CRADD: variants seen among roughly 807,000 people sequenced by gnomAD.
CRADD encodes the protein CARD and death domain containing adaptor protein, also known as death domain-containing protein CRADD.
In CRADD, 9 loss-of-function variants were observed where a neutral mutation model predicts 15.5. That is an observed-to-expected ratio of 0.58 (90% CI 0.35 to 1.01). The LOEUF (loss-of-function observed/expected upper bound fraction) is 1.01. CRADD is among the 50% of genes least tolerant of loss of function. The probability of loss-of-function intolerance (pLI) is 0.02; values close to 1 mark genes in which losing one functional copy is unlikely to be tolerated. For missense variants in CRADD, 227 were observed against 250.3 expected, an observed-to-expected ratio of 0.91 and a Z score of 0.63; for synonymous variants, 118 against 107.6, an observed-to-expected ratio of 1.10 and a Z score of -0.60.
At chr12:93,850,786 T>C, downstream of CRADD, 1 of 942,516 alleles carries the variant, frequency 1.1e-6, no homozygotes, top group Non-Finnish European at 1.3e-6. The surrounding 1 kb of genome is among the most constrained non-coding windows in gnomAD (Gnocchi z 4.0). Flanking sequence ...TTTTTCTTTC[T>C]CATTCCTGTG....
chr12:93,688,111 G>C (rs1407146791), intron 2 of CRADD, among the ~76,000 whole-genome samples: 2 of 152,220 alleles, frequency 1.3e-5, no homozygotes, highest in Non-Finnish European at 2.9e-5. Flanking sequence ...GAGGATGGAA[G>C]AGAGAAGGAG....
intron 2 of CRADD, among the ~76,000 whole-genome samples, chr12:93,743,871 T>C (rs1956716288): frequency 6.6e-6 from 1 of 152,230 alleles, no homozygotes. Context: ...ATTCCTTTGA[T>C]TATTTCACAC....
chr12:93,766,908 A>G (rs564389219), intron 2 of CRADD, among the ~76,000 whole-genome samples: 16 of 152,210 alleles, frequency 1.1e-4, no homozygotes, highest in Non-Finnish European at 1.8e-4. Context: ...AAACTTTCCT[A>G]TAGGGACTCT....
intron 2 of CRADD, among the ~76,000 whole-genome samples, chr12:93,780,601 T>G (rs2136971274): frequency 6.6e-6 from 1 of 152,334 alleles, no homozygotes; most frequent in African/African-American, 2.4e-5. Context: ...TGCATTTTTT[T>G]GGTTTAAATT....
intron 2 of CRADD, among the ~76,000 whole-genome samples, chr12:93,731,466 CAT>C (rs1318846161): frequency 3.3e-5 from 5 of 152,204 alleles, no homozygotes; most frequent in Non-Finnish European, 7.3e-5. Context: ...TTATTTCCCA[CAT>C]GTTAGTCCAA....
rs150944760 is a variant in CRADD, at chr12:93,778,385, G to A, written c.299-71585G>A. On this transcript the variant is annotated intron_variant, in intron 2 of 2. Coordinates refer to ENST00000332896, the MANE Select transcript of CRADD (RefSeq NM_003805.5). ...GCAAGGGATTCTGGCACATGCGCACGAGTTGAATGACAACTGGTGGATATT... is the reference window on the plus strand; with the variant it reads ...GCAAGGGATTCTGGCACATGCGCACAAGTTGAATGACAACTGGTGGATATT... 7.5e-3 allele frequency among the ~76,000 whole-genome samples: 1,141 copies of A among 152,332 alleles called. 5 individuals are homozygous for A. The highest frequency in any genetic ancestry group is 0.012 in the Non-Finnish European group (789 of 68,020).
At chr12:93,677,941 C>T (rs1955197491) in intron 1 of CRADD, 1 of 152,648 alleles carries the variant, frequency 6.6e-6, no homozygotes, top group African/African-American at 2.4e-5. Context: ...ACCTTCACTG[C>T]CTTACACACA....
chr12:93,714,848 C>T (rs1956134451), intron 2 of CRADD: 1 of 152,226 alleles, frequency 6.6e-6, no homozygotes, highest in Non-Finnish European at 1.5e-5. Context: ...CTCATGGCCA[C>T]TCCTTGGTAC....
chr12:93,693,449 T>TA (rs1468524382), intron 2 of CRADD, among the ~76,000 whole-genome samples: 12 of 152,050 alleles, frequency 7.9e-5, no homozygotes, highest in Admixed American at 7.9e-4. Flanking sequence ...TGGCTATACT[T>TA]ATGTCAGACC....
intron 2 of CRADD, among the ~76,000 whole-genome samples, chr12:93,702,183 G>A (rs1436636560): frequency 6.6e-6 from 1 of 152,114 alleles, no homozygotes; most frequent in African/African-American, 2.4e-5. Context: ...ATGCTGTGAG[G>A]GAAGGAAAGC....
intron 2 of CRADD, among the ~76,000 whole-genome samples, chr12:93,753,880 G>C (rs534895704): frequency 1.3e-5 from 2 of 152,178 alleles, no homozygotes; most frequent in Non-Finnish European, 2.9e-5. Context: ...TACCATTCTG[G>C]GGTCTGGAGG....
chr12:93,856,456 A>G (rs562487371), intron 2 of CRADD, among the ~76,000 whole-genome samples: 29 of 152,354 alleles, frequency 1.9e-4, no homozygotes, highest in African/African-American at 6.7e-4. Flanking sequence ...AACCACCAGC[A>G]ACTATGGCAA....
At chr12:93,734,893 T>C (rs1156971652) in intron 2 of CRADD, among the ~76,000 whole-genome samples, 1 of 152,136 alleles carries the variant, frequency 6.6e-6, no homozygotes, top group Non-Finnish European at 1.5e-5. Context: ...TCATGCCACT[T>C]CCTAGGGGAG....
intron 2 of CRADD, among the ~76,000 whole-genome samples, chr12:93,892,920 C>T (rs1958586722): frequency 6.6e-6 from 1 of 152,164 alleles, no homozygotes; most frequent in South Asian, 2.1e-4. Context: ...CTTGATTAAT[C>T]ACAGTGTCTT....
intron 2 of CRADD, among the ~76,000 whole-genome samples, chr12:93,749,311 C>G (rs1956804575): frequency 6.6e-6 from 1 of 152,148 alleles, no homozygotes. Flanking sequence ...GCCAGAAAGT[C>G]ATATTGTTGG....
intron 2 of CRADD, among the ~76,000 whole-genome samples, chr12:93,729,598 C>T (rs1956428073): frequency 6.6e-6 from 1 of 151,924 alleles, no homozygotes; most frequent in African/African-American, 2.4e-5. Context: ...CCAGCCTGAC[C>T]AACATGGAGA....
chr12:93,741,087 C>G (rs143695014), intron 2 of CRADD, among the ~76,000 whole-genome samples: 3 of 152,254 alleles, frequency 2.0e-5, no homozygotes, highest in African/African-American at 7.2e-5. Context: ...TTTTTTCGTA[C>G]ATCAGGGAGG....
intron 2 of CRADD, among the ~76,000 whole-genome samples, chr12:93,778,970 C>T (rs1159113941): frequency 6.6e-6 from 1 of 152,174 alleles, no homozygotes; most frequent in Non-Finnish European, 1.5e-5. Flanking sequence ...GATTTAACTT[C>T]AAAACACAGC....
At chr12:93,818,357 A>G (rs559267890) in intron 2 of CRADD, among the ~76,000 whole-genome samples, 40 of 151,986 alleles carry the variant, frequency 2.6e-4, no homozygotes, top group Non-Finnish European at 5.3e-4. Context: ...TCTCCTTCAC[A>G]CCTCCCCACT....
Sources: allele counts gnomAD v4.1 joint callset (sites outside exome capture counted in the v4.1 genomes callset), GRCh38; gene constraint gnomAD v4.1.1; non-coding constraint Gnocchi (gnomAD v3.1); transcripts MANE v1.5; gene names NCBI Gene and HGNC (gene_info 2026-07-23, HGNC 2026-07-21).